The following CSMD1 variants were observed in gnomAD, a reference collection of about 807,000 sequenced individuals.
CSMD1 encodes CUB and Sushi multiple domains 1, also known as CUB and sushi domain-containing protein 1.
Under a neutral mutation model 417.5 loss-of-function variants are expected in CSMD1, and 213 were observed. The ratio of observed to expected loss-of-function variants is 0.51; its 90% CI spans 0.46 to 0.57. The LOEUF (loss-of-function observed/expected upper bound fraction) is 0.57, where lower values mean the gene tolerates loss of function less well. CSMD1 is among the 20% of genes least tolerant of loss of function. The pLI is 0.00. For missense variants in CSMD1, 6,923 were observed against 4,529.7 expected, an observed-to-expected ratio of 1.53 and a Z score of -15.17; for synonymous variants, 2,862 against 1,736.8, an observed-to-expected ratio of 1.65 and a Z score of -16.11.
chr8:3,893,226 A>G (rs1807104611), intron 5 of CSMD1, among the ~76,000 whole-genome samples: 1 of 150,802 alleles, frequency 6.6e-6, no homozygotes, highest in Admixed American at 6.6e-5. Flanking sequence ...ACCTCTTAAA[A>G]CACATTTTTT....
chr8:3,900,996 T>A (rs1807712488), intron 5 of CSMD1, among the ~76,000 whole-genome samples: 2 of 152,246 alleles, frequency 1.3e-5, no homozygotes, highest in African/African-American at 2.4e-5. Flanking sequence ...TCATTATTGC[T>A]AGCTGTCATA....
At chr8:3,670,060 T>C (rs1194751305) in intron 7 of CSMD1, among the ~76,000 whole-genome samples, 3 of 152,288 alleles carry the variant, frequency 2.0e-5, no homozygotes, top group Non-Finnish European at 2.9e-5. Context: ...CAATTTGTGA[T>C]GGTTAATACT....
chr8:2,978,761 A>C lies in CSMD1; in HGVS notation c.8417T>G (p.Ile2806Ser), dbSNP rs1399107275. ...AGGGAAGTTCTGTTGCCCGTGACGAATGGCATTTTCCACAAAGCCTGGATC... is the reference window on the plus strand; with the variant it reads ...AGGGAAGTTCTGTTGCCCGTGACGACTGGCATTTTCCACAAAGCCTGGATC... ...CSDPGFVENA[I>S]RHGQQNFPES... The change falls in exon 55 of 70, where the codon ATT (isoleucine) becomes AGT (serine). Residue 2806 changes from isoleucine to serine, a missense_variant. Transcript: ENST00000635120. The C allele has an allele frequency of 1.2e-6, 2 of 1,613,466 alleles. No individual in the cohort carries two copies. The highest frequency in any genetic ancestry group is 1.7e-5 in the Admixed American group (1 of 59,970).
chr8:3,778,984 C>G (rs1166056913), intron 5 of CSMD1, among the ~76,000 whole-genome samples: 2 of 152,138 alleles, frequency 1.3e-5, no homozygotes, highest in Non-Finnish European at 2.9e-5. Context: ...TCATTTGCAG[C>G]ACTTTTTCTA....
intron 3 of CSMD1, among the ~76,000 whole-genome samples, chr8:4,155,437 C>A (rs958089589): frequency 2.6e-5 from 4 of 152,116 alleles, no homozygotes; most frequent in Non-Finnish European, 5.9e-5. Context: ...TGGCAGGAAC[C>A]TTGTTTGGGA....
At chr8:3,460,559 G>C (rs1054065199) in intron 12 of CSMD1, among the ~76,000 whole-genome samples, 2 of 152,112 alleles carry the variant, frequency 1.3e-5, no homozygotes, top group African/African-American at 2.4e-5. Context: ...GACCACTACA[G>C]AGGCCGCCTA....
At chr8:3,255,142 A>G (rs767598672) in intron 26 of CSMD1, among the ~76,000 whole-genome samples, 23 of 152,070 alleles carry the variant, frequency 1.5e-4, no homozygotes, top group East Asian at 3.9e-4. Context: ...CCACTCCAGA[A>G]CCTATTTGCC....
intron 2 of CSMD1, among the ~76,000 whole-genome samples, chr8:4,426,617 G>T (rs59553831): frequency 2.1e-5 from 2 of 94,502 alleles, no homozygotes; most frequent in Middle Eastern, 8.9e-3. Flanking sequence ...AAATTATATT[G>T]TTTACTATAT....
At chr8:3,958,440 T>G (rs1812117566) in intron 5 of CSMD1, among the ~76,000 whole-genome samples, 1 of 151,904 alleles carries the variant, frequency 6.6e-6, no homozygotes, top group Admixed American at 6.6e-5. Context: ...TGCACGTTTT[T>G]GAAATATTTG....
intron 1 of CSMD1, among the ~76,000 whole-genome samples, chr8:4,816,646 C>T (rs1024848547): frequency 1.3e-5 from 2 of 152,184 alleles, no homozygotes; most frequent in African/African-American, 4.8e-5. Context: ...GACCGTATGG[C>T]TCTACAATTC....
intron 11 of CSMD1, among the ~76,000 whole-genome samples, chr8:3,469,701 C>T (rs745684480): frequency 3.9e-5 from 6 of 152,186 alleles, no homozygotes; most frequent in Non-Finnish European, 8.8e-5. Flanking sequence ...TGATTTGCCC[C>T]ATCAATCATA....
chr8:3,275,252 T>C (rs1014968044), intron 26 of CSMD1, among the ~76,000 whole-genome samples: 3 of 152,218 alleles, frequency 2.0e-5, no homozygotes, highest in Non-Finnish European at 1.5e-5. Flanking sequence ...TGTTGAATAT[T>C]GGCCACCGCT....
intron 10 of CSMD1, among the ~76,000 whole-genome samples, chr8:3,495,740 C>A (rs561392493): frequency 2.6e-5 from 4 of 152,128 alleles, no homozygotes; most frequent in African/African-American, 9.7e-5. Context: ...CAAATGAAAA[C>A]TGAAGACAAA....
chr8:3,572,649 C>A lies in CSMD1; in HGVS notation c.1344+2296G>T, dbSNP rs150336345. Reference sequence around the variant, plus strand: ...AATTCAAGAAGAGTTCCTTCTGCCTCTCAAATTGCAGAAGTAACATAATTC... The same window carrying A: ...AATTCAAGAAGAGTTCCTTCTGCCTATCAAATTGCAGAAGTAACATAATTC... On this transcript the variant is annotated intron_variant, in intron 10 of 69. Coordinates refer to ENST00000635120, the MANE Select transcript of CSMD1 (RefSeq NM_033225.6). 1.3e-4 allele frequency among the ~76,000 whole-genome samples: 20 copies of A among 152,304 alleles called. No homozygotes were observed. The East Asian group carries it at 3.9e-3, about 29-fold the overall frequency.
chr8:4,284,490 G>C (rs1233601125), intron 3 of CSMD1, among the ~76,000 whole-genome samples: 4 of 151,112 alleles, frequency 2.6e-5, no homozygotes, highest in Admixed American at 6.7e-5. Context: ...TCCACATGTT[G>C]CTTTTGCGCA....
At chr8:4,883,816 G>A (rs1274980578) in intron 1 of CSMD1, among the ~76,000 whole-genome samples, 1 of 151,958 alleles carries the variant, frequency 6.6e-6, no homozygotes, top group Non-Finnish European at 1.5e-5. Context: ...TTTTTTGTGA[G>A]CATTTATTTT....
chr8:4,312,422 C>CGCGTATATATATATGCGTATATATATAT (rs1437079117), intron 3 of CSMD1, among the ~76,000 whole-genome samples: 1 of 102,540 alleles, frequency 9.8e-6, no homozygotes, highest in African/African-American at 9.4e-5. Context: ...TATATATATG[C>CGCGTATATATATATGCGTATATATATAT]GCGTATATAT....
At chr8:4,372,694 A>G (rs1802467797) in intron 3 of CSMD1, among the ~76,000 whole-genome samples, 1 of 152,052 alleles carries the variant, frequency 6.6e-6, no homozygotes, top group Non-Finnish European at 1.5e-5. Flanking sequence ...AAAGGACTCA[A>G]TAGCTAACTG....
intron 1 of CSMD1, among the ~76,000 whole-genome samples, chr8:4,665,781 T>G (rs1804882038): frequency 6.6e-6 from 1 of 152,224 alleles, no homozygotes; most frequent in African/African-American, 2.4e-5. Flanking sequence ...TTGTGTTTGT[T>G]TTCCATTTAT....
Sources: gnomAD v4.1 joint callset for allele counts (sites outside exome capture counted in the v4.1 genomes callset) on GRCh38, gnomAD v4.1.1 for gene constraint, MANE v1.5 for transcripts, NCBI Gene and HGNC (gene_info 2026-07-23, HGNC 2026-07-21) for gene names.